Variants in SLC6A9 observed in about 807,000 individuals in gnomAD.
SLC6A9 encodes the protein solute carrier family 6 member 9.
SLC6A9 carries 31 observed loss-of-function variants against 70.9 expected under a neutral mutation model. The observed-to-expected ratio is 0.44, with a 90% confidence interval of 0.33 to 0.59. The LOEUF is 0.59. SLC6A9 is among the 20% of genes least tolerant of loss of function. SLC6A9 has a pLI of 0.04. For synonymous variants in SLC6A9, 310 were observed against 341.3 expected (o/e 0.91, Z 1.01); for missense variants, 631 against 845.2 (o/e 0.75, Z 3.14).
chr1:44,006,421 C>G (rs149798145), intron 5 of SLC6A9, among the ~76,000 whole-genome samples: 1 of 151,812 alleles, frequency 6.6e-6, no homozygotes, highest in Non-Finnish European at 1.5e-5. Flanking sequence ...AACCCTGTCT[C>G]TACTAAAAAT....
At chr1:43,998,985 G>GC (rs1553160181) in intron 12 of SLC6A9, among the ~76,000 whole-genome samples, 1 of 151,448 alleles carries the variant, frequency 6.6e-6, no homozygotes, top group Non-Finnish European at 1.5e-5. Context: ...CGGGGGAAGG[G>GC]GGGGGGCAGT....
chr1:44,000,771 A>G lies in SLC6A9; in HGVS notation c.1532T>C (p.Ile511Thr). The change falls in exon 12 of 14, where the codon ATC becomes ACC. Residue 511 changes from isoleucine (I) to threonine (T), a missense_variant. Coordinates refer to ENST00000372310, the MANE Select transcript of SLC6A9 (RefSeq NM_001024845.3). ...GGGGCCGGCCAGGGAACTCACGAAG[A>G]TGATGGCGGGAGAGACGAAGCGCCA... ...ICWRFVSPAI[I>T]FFILVFTVIQ... 1 of 1,601,196 alleles carries G rather than the reference A, an allele frequency of 6.2e-7. No individual in the cohort carries two copies. Among genetic ancestry groups the G allele is most frequent in the Non-Finnish European group, 8.5e-7 (1 of 1,171,834 alleles).
intron 1 of SLC6A9, among the ~76,000 whole-genome samples, chr1:44,025,298 G>A (rs1034406375): frequency 6.6e-6 from 1 of 152,104 alleles, no homozygotes; most frequent in Non-Finnish European, 1.5e-5. Flanking sequence ...GCAAGGTGGG[G>A]CTGGCGAGCT....
intron 2 of SLC6A9, among the ~76,000 whole-genome samples, chr1:44,015,626 G>T (rs962684503): frequency 6.6e-6 from 1 of 152,234 alleles, no homozygotes; most frequent in African/African-American, 2.4e-5. Flanking sequence ...GGCTGCCTCA[G>T]AAGACCCCAC....
intron 2 of SLC6A9, 142 bp downstream of exon 2, chr1:44,024,106 A>G: frequency 1.2e-6 from 1 of 824,794 alleles, no homozygotes; most frequent in South Asian, 1.4e-5. Flanking sequence ...ATGAGGGGCT[A>G]CCTGCCCAGG....
intron 11 of SLC6A9, 36 bp from the exon 12 acceptor site, chr1:44,000,903 G>C: frequency 6.3e-7 from 1 of 1,595,042 alleles, no homozygotes; most frequent in Non-Finnish European, 8.6e-7. Flanking sequence ...CCGCAGGACA[G>C]AGTGGGCGGG....
chr1:44,026,811 A>G (rs2086991083), intron 1 of SLC6A9, among the ~76,000 whole-genome samples: 1 of 152,176 alleles, frequency 6.6e-6, no homozygotes, highest in South Asian at 2.1e-4. Context: ...AATTCCTCCT[A>G]TTACCATCAG....
chr1:44,004,848 G>A (rs2154305019), intron 5 of SLC6A9, among the ~76,000 whole-genome samples: 1 of 152,288 alleles, frequency 6.6e-6, no homozygotes, highest in South Asian at 2.1e-4. Context: ...ATTTACAAGT[G>A]ACCTCTTGAC....
Position 44,002,482 on chromosome 1 carries a change from A to G in SLC6A9, c.858+30T>C. The G allele has an allele frequency of 6.2e-7, 1 of 1,613,842 alleles. No homozygotes were observed. Among genetic ancestry groups the G allele is most frequent in the Non-Finnish European group, 8.5e-7 (1 of 1,179,834 alleles). Reference sequence around the variant, plus strand: ...GCAGGCACCTCCCTGGCCCCTCCCCAGCCCCCTTCCGGTTTCCCTCACTTC... The same window carrying G: ...GCAGGCACCTCCCTGGCCCCTCCCCGGCCCCCTTCCGGTTTCCCTCACTTC... On this transcript the variant is annotated intron_variant, in intron 7 of 13. Coordinates refer to ENST00000372310, the MANE Select transcript of SLC6A9 (RefSeq NM_001024845.3). This position sits in a 1 kb window ranked among gnomAD's most constrained non-coding sequence, Gnocchi z 5.5.
Position 44,010,113 on chromosome 1 carries a change from G to A in SLC6A9, c.188-17C>T. ...TGAAGGCGCCTGGTAGGCAGGGAGA[G>A]GTCTGGCTCAGGAGTGGGCTTGGAG... On this transcript the variant is annotated splice_polypyrimidine_tract_variant and intron_variant, in intron 3 of 13. Transcript: ENST00000372310. 1 of 1,613,258 alleles carries A rather than the reference G, an allele frequency of 6.2e-7. No homozygotes were observed. The highest frequency in any genetic ancestry group is 8.5e-7 in the Non-Finnish European group (1 of 1,179,442).
chr1:44,007,011 A>G (rs1402392048), intron 5 of SLC6A9, among the ~76,000 whole-genome samples: 2 of 152,202 alleles, frequency 1.3e-5, no homozygotes, highest in Non-Finnish European at 2.9e-5. Context: ...CCTGTGTTAT[A>G]TGATGCCTGC....
In SLC6A9 at chr1:44,000,756, A is replaced by T; in HGVS notation, c.1536+11T>A. 6.4e-7 allele frequency: 1 copy of T among 1,572,510 alleles called. No individual in the cohort carries two copies. Among genetic ancestry groups the T allele is most frequent in the Non-Finnish European group, 8.7e-7 (1 of 1,150,364 alleles). On this transcript the variant is annotated intron_variant, in intron 12 of 13. Transcript: ENST00000372310. ...CAGCGGGGGAAGGGAGGGGCCGGCC[A>T]GGGAACTCACGAAGATGATGGCGGG...
chr1:44,010,886 T>G lies in SLC6A9; in HGVS notation c.31-4A>C, dbSNP rs1393312385. 1.9e-6 allele frequency: 3 copies of G among 1,614,022 alleles called. No homozygotes were observed. The highest frequency in any genetic ancestry group is 2.5e-6 in the Non-Finnish European group (3 of 1,179,992). On this transcript the variant is annotated splice_polypyrimidine_tract_variant and splice_region_variant and intron_variant, in intron 2 of 13. Transcript: ENST00000372310. ...CCTCGCTGGGCACAGCACCATTCTG[T>G]GGGGACAGGAGAGAAGCTACCATCA...
chr1:44,020,695 T>G (rs1021370071), intron 2 of SLC6A9, among the ~76,000 whole-genome samples: 5 of 152,140 alleles, frequency 3.3e-5, no homozygotes, highest in Non-Finnish European at 7.4e-5. Flanking sequence ...AGTTGAGCTC[T>G]TGCTACATGC....
intron 8 of SLC6A9, 38 bp from the exon 9 acceptor site, chr1:44,001,665 C>G (rs201195372): frequency 6.6e-7 from 1 of 1,512,340 alleles, no homozygotes; most frequent in South Asian, 1.2e-5. Context: ...TTCCCTCTCC[C>G]CAATTTGGGC....
intron 5 of SLC6A9, among the ~76,000 whole-genome samples, chr1:44,007,422 A>G (rs902323781): frequency 6.6e-6 from 1 of 152,180 alleles, no homozygotes; most frequent in Non-Finnish European, 1.5e-5. Flanking sequence ...CCCTCTGCCC[A>G]GGGGTTCCCC....
At position 44,008,463 on chromosome 1, in the gene SLC6A9, C is replaced by T. The variant is rs751880715; in HGVS notation, c.480G>A (p.Leu160=). Residue 160 remains leucine (L), a synonymous_variant, in exon 5 of 14, where the codon CTG becomes CTA. Transcript: ENST00000372310. ...PWNTHDCAGV[L]DASNLTNGSR... is the part of the protein sequence containing the mutation. The stretch of plus-strand genomic sequence containing the variant: ...AGCCATTGGTGAGGTTGGAGGCGTC[C>T]AGTACACCGGCGCAGTCATGCGTGT... 4 of 1,614,068 alleles carry T rather than the reference C, an allele frequency of 2.5e-6. No homozygotes were observed. Among genetic ancestry groups the T allele is most frequent in the African/African-American group, 1.3e-5 (1 of 74,938 alleles).
chr1:44,008,585 C>T lies in SLC6A9; in HGVS notation c.358G>A (p.Gly120Ser), dbSNP rs757420753. The T allele has an allele frequency of 1.2e-5, 20 of 1,613,656 alleles. No homozygotes were observed. Among genetic ancestry groups the T allele is most frequent in the Non-Finnish European group, 1.5e-5 (18 of 1,179,966 alleles). ...CAGATGACCACATTGTAGTAGATGC[C>T]GATGTAGGTGGACACCACCATCATA... is the stretch of plus-strand genomic sequence containing the variant. ...YGMMVVSTYIGIYYNVVICIA... is the reference protein window; with the variant it reads ...YGMMVVSTYISIYYNVVICIA... The change falls in exon 5 of 14, where the codon GGC becomes AGC. Residue 120 changes from glycine to serine, a missense_variant. Gly to Ser is a moderately conservative substitution (Grantham distance 56). Transcript: ENST00000372310.
intron 5 of SLC6A9, among the ~76,000 whole-genome samples, chr1:44,004,487 A>G (rs891542086): frequency 6.6e-6 from 1 of 152,052 alleles, no homozygotes; most frequent in Non-Finnish European, 1.5e-5. Flanking sequence ...ATGGGACTAC[A>G]TGTGTGCACC....
Sources: gnomAD v4.1 joint callset for allele counts (sites outside exome capture counted in the v4.1 genomes callset) on GRCh38, gnomAD v4.1.1 for gene constraint, Gnocchi (gnomAD v3.1) non-coding constraint, MANE v1.5 for transcripts, NCBI Gene and HGNC (gene_info 2026-07-23, HGNC 2026-07-21) for gene names.